NSD1: variants seen among roughly 807,000 people sequenced by gnomAD.
NSD1 encodes the protein histone-lysine N-methyltransferase, H3 lysine-36 specific.
Under a neutral mutation model 242.7 loss-of-function variants are expected in NSD1, and 26 were observed. The ratio of observed to expected loss-of-function variants is 0.11; its 90% CI spans 0.08 to 0.15. The LOEUF (loss-of-function observed/expected upper bound fraction) is 0.15. Among genes scored for constraint, NSD1 ranks in the 10% least tolerant of loss-of-function variants. The pLI, the probability that NSD1 is intolerant of heterozygous loss-of-function variation, is 1.00. For synonymous variants in NSD1, 1,106 were observed against 1,178.1 expected (o/e 0.94, Z 1.25); for missense variants, 2,495 against 3,272.8 (o/e 0.76, Z 5.80).
rs924822794 is a variant in NSD1, at chr5:177,137,003, C to T, written c.927+973C>T. The T allele has an allele frequency of 1.1e-4, 67 of 608,062 alleles. No individual in the cohort carries two copies. The Admixed American group carries it at 1.3e-3, about 12-fold the overall frequency. The allele number at this position is 608,062 out of a possible 1,614,324, so 37.7% of individuals were successfully genotyped here. The stretch of plus-strand genomic sequence containing the variant: ...TGTGTATGTGTGATATGTATATATT[C>T]CGTGTGTATAGAAATGGAGAGTATC... On this transcript the variant is annotated intron_variant, in intron 2 of 22. Transcript: ENST00000439151.
At chr5:177,191,360 T>C (rs1761682118) in intron 2 of NSD1, among the ~76,000 whole-genome samples, 1 of 152,122 alleles carries the variant, frequency 6.6e-6, no homozygotes, top group Admixed American at 6.6e-5. Context: ...GAAAGTAAAG[T>C]GTTAGCTGGG....
At chr5:177,140,209 A>T (rs1053659130) in intron 2 of NSD1, among the ~76,000 whole-genome samples, 2 of 152,154 alleles carry the variant, frequency 1.3e-5, no homozygotes, top group Non-Finnish European at 2.9e-5. Context: ...AATTGGGCTG[A>T]TATTTTCTAA....
At position 177,297,835 on chromosome 5, in the gene NSD1, T is replaced by C. The variant is rs976243717; in HGVS notation, c.*2376T>C. 4.3e-6 allele frequency: 1 copy of C among 232,726 alleles called. No individual in the cohort carries two copies. The highest frequency in any genetic ancestry group is 8.5e-6 in the Non-Finnish European group (1 of 117,928). The allele number at this position is 232,726 out of a possible 1,614,324, so 14.4% of individuals were successfully genotyped here. On this transcript the variant is annotated 3_prime_UTR_variant, in exon 23 of 23. Coordinates refer to ENST00000439151, the MANE Select transcript of NSD1 (RefSeq NM_022455.5). ...GGGCCATGATTGGCTGCTTTGTGGT[T>C]TTATTTTGGTTCTTTCCATTCTCCG... is the stretch of plus-strand genomic sequence containing the variant.
chr5:177,278,124 A>G (rs1052869413), intron 17 of NSD1, among the ~76,000 whole-genome samples: 2 of 152,168 alleles, frequency 1.3e-5, no homozygotes, highest in African/African-American at 2.4e-5. Context: ...CAGTGTTTTG[A>G]TGAATCTAGG....
In NSD1 at chr5:177,273,583, A is replaced by G. The variant is rs1758117601; in HGVS notation, c.5510-89A>G. 7.7e-6 allele frequency: 8 copies of G among 1,037,012 alleles called. No individual in the cohort carries two copies. The South Asian group carries it at 1.0e-4, about 13-fold the overall frequency. The allele number at this position is 1,037,012 out of a possible 1,614,324, so 64.2% of individuals were successfully genotyped here. On this transcript the variant is annotated intron_variant, in intron 16 of 22. Coordinates refer to ENST00000439151, the MANE Select transcript of NSD1 (RefSeq NM_022455.5). ...TTGTGTAAAACATGGAGTTTCTCCA[A>G]CTTAAAGGGGAAAAAGTAAAAAATA... is the stretch of plus-strand genomic sequence containing the variant.
intron 17 of NSD1, among the ~76,000 whole-genome samples, chr5:177,276,367 C>A (rs1324449443): frequency 2.6e-5 from 4 of 151,636 alleles, no homozygotes; most frequent in African/African-American, 9.7e-5. Flanking sequence ...CTCTGTTGCC[C>A]AGGCTGGGGT....
At chr5:177,268,935 T>C (rs1757734109) in intron 15 of NSD1, among the ~76,000 whole-genome samples, 2 of 152,308 alleles carry the variant, frequency 1.3e-5, no homozygotes, top group African/African-American at 4.8e-5. Flanking sequence ...TCTTGGTTTA[T>C]ATACTTGGGA....
At chr5:177,248,420 C>T in intron 11 of NSD1, 96 bp downstream of exon 11, 9 of 1,446,320 alleles carry the variant, frequency 6.2e-6, no homozygotes, top group Non-Finnish European at 8.6e-6. Context: ...GGTAGAATAA[C>T]AATGCTTTTG....
intron 17 of NSD1, among the ~76,000 whole-genome samples, chr5:177,276,290 A>C (rs1256327979): frequency 2.0e-5 from 3 of 151,836 alleles, no homozygotes; most frequent in Non-Finnish European, 2.9e-5. Context: ...ACCTCTAAAA[A>C]GGGATAAAAG....
At position 177,135,091 on chromosome 5, in the gene NSD1, A is replaced by T. The variant is rs1459055822; in HGVS notation, c.-13A>T. Reference sequence around the variant, plus strand: ...TGCTGTGCTTTTGGATTCCAGGTTGATGCCGGCCCAGGATGGATCAGACCT... The same window carrying T: ...TGCTGTGCTTTTGGATTCCAGGTTGTTGCCGGCCCAGGATGGATCAGACCT... On this transcript the variant is annotated 5_prime_UTR_variant, in exon 2 of 23. It removes an upstream start codon present in the reference 5' UTR. Transcript: ENST00000439151. 8 of 1,613,888 alleles carry T rather than the reference A, an allele frequency of 5.0e-6. No homozygotes were observed. In the African/African-American group the frequency reaches 8.0e-5, roughly 16 times the overall value.
At chr5:177,239,903 A>G in intron 8 of NSD1, 38 bp downstream of exon 8, 1 of 1,290,168 alleles carries the variant, frequency 7.8e-7, no homozygotes, top group Non-Finnish European at 1.1e-6. Flanking sequence ...AAATAAACTC[A>G]GGAAATGAGA....
intron 17 of NSD1, among the ~76,000 whole-genome samples, chr5:177,279,212 T>TG (rs1396202702): frequency 6.6e-6 from 1 of 152,210 alleles, no homozygotes; most frequent in Non-Finnish European, 1.5e-5. Flanking sequence ...CCAGGTGTGG[T>TG]GGCTCACACC....
chr5:177,151,168 A>G (rs1757664610), intron 2 of NSD1, among the ~76,000 whole-genome samples: 1 of 152,164 alleles, frequency 6.6e-6, no homozygotes, highest in African/African-American at 2.4e-5. Context: ...ACCTGAAGCC[A>G]GGAGTCGAGA....
In NSD1 at chr5:177,296,604, T is replaced by C. The variant is rs1341450450; in HGVS notation, c.*1145T>C. ...CCCTGAGAATTGCTGTGCTCTGTAT[T>C]GAGAGCACCTGCCTGCTGACTTAGC... On this transcript the variant is annotated 3_prime_UTR_variant, in exon 23 of 23. Coordinates refer to ENST00000439151, the MANE Select transcript of NSD1 (RefSeq NM_022455.5). The C allele has an allele frequency of 4.3e-6, 1 of 233,304 alleles. No individual in the cohort carries two copies. The highest frequency in any genetic ancestry group is 6.0e-5 in the East Asian group (1 of 16,590). The allele number at this position is 233,304 out of a possible 1,614,324, so 14.5% of individuals were successfully genotyped here.
At chr5:177,139,988 A>G (rs1365651950) in intron 2 of NSD1, among the ~76,000 whole-genome samples, 2 of 151,460 alleles carry the variant, frequency 1.3e-5, no homozygotes, top group Non-Finnish European at 2.9e-5. Flanking sequence ...GGGTAAGAGT[A>G]GTTATTAGGG....
chr5:177,172,685 A>C (rs1759812783), intron 2 of NSD1, among the ~76,000 whole-genome samples: 1 of 152,202 alleles, frequency 6.6e-6, no homozygotes, highest in Non-Finnish European at 1.5e-5. Flanking sequence ...GAGGCCGGGT[A>C]TGGTGGTTCA....
chr5:177,245,931 CCA>C (rs1766250265), intron 9 of NSD1, among the ~76,000 whole-genome samples: 3 of 151,662 alleles, frequency 2.0e-5, no homozygotes, highest in Admixed American at 6.6e-5. Context: ...GCCACCCTGC[CCA>C]GCCTCAACCC....
intron 5 of NSD1, among the ~76,000 whole-genome samples, chr5:177,216,344 T>C (rs1419435356): frequency 1.3e-5 from 2 of 152,160 alleles, no homozygotes; most frequent in East Asian, 3.8e-4. Flanking sequence ...ATTTTTTTTT[T>C]CCATTTTTGC....
intron 11 of NSD1, among the ~76,000 whole-genome samples, chr5:177,249,944 G>T (rs751290203): frequency 2.6e-5 from 4 of 152,276 alleles, no homozygotes; most frequent in African/African-American, 9.6e-5. Context: ...AAATTAGCCA[G>T]GCATGACAGT....
Sources: allele counts gnomAD v4.1 joint callset (sites outside exome capture counted in the v4.1 genomes callset), GRCh38; gene constraint gnomAD v4.1.1; transcripts MANE v1.5; gene names NCBI Gene and HGNC (gene_info 2026-07-23, HGNC 2026-07-21).